The following ATP11A variants were observed in gnomAD, a reference collection of about 807,000 sequenced individuals.
The protein encoded by ATP11A is ATPase phospholipid transporting 11A, also known as phospholipid-transporting ATPase IH.
A neutral mutation model predicts 154.4 loss-of-function variants in ATP11A; 81 were observed. The observed-to-expected ratio is 0.52, with a 90% CI of 0.44 to 0.63. The LOEUF (loss-of-function observed/expected upper bound fraction) is 0.63. Ranked by LOEUF, ATP11A falls within the 30% of genes least tolerant of loss-of-function variation. The pLI is 0.00. For synonymous variants in ATP11A, 623 were observed against 585.9 expected (o/e 1.06, Z -0.91); for missense variants, 1,316 against 1,474.3 (o/e 0.89, Z 1.76).
At position 112,825,291 on chromosome 13, in the gene ATP11A, G is replaced by A. The variant is rs576787062; in HGVS notation, c.873-139G>A. ...TGGACGCAAGTGCAGAGGACCCACC[G>A]TGGTGCGTTGAGGGCGAACACATCA... is the stretch of plus-strand genomic sequence containing the variant. On this transcript the variant is annotated intron_variant, in intron 10 of 29. Coordinates refer to ENST00000375645, the MANE Select transcript of ATP11A (RefSeq NM_015205.3). The A allele has an allele frequency of 4.3e-5, 39 of 902,672 alleles. No homozygotes were observed. The South Asian group carries it at 5.0e-4, about 11-fold the overall frequency. 55.9% of individuals were successfully genotyped at this position (902,672 alleles called of 1,614,324 possible).
Position 112,855,981 on chromosome 13 carries a change from C to T in ATP11A, c.2314C>T (p.Arg772Ter). The T allele has an allele frequency of 1.2e-6, 2 of 1,614,168 alleles. No individual in the cohort carries two copies. Among genetic ancestry groups the T allele is most frequent in the Non-Finnish European group, 1.7e-6 (2 of 1,180,030 alleles). ...TGCACTGTCTCTGATAATGAAGCCT[C>T]GAGAAGACGGGAGTTCCGGCAACTA... ...GAALSLIMKP[R>*]EDGSSGNYRE... is the part of the protein sequence containing the mutation. Residue 772 changes from arginine (R) to a stop codon, truncating the protein, a stop_gained, in exon 20 of 30, where the codon CGA (arginine) becomes TGA (stop). Transcript: ENST00000375645. LOFTEE classifies it high-confidence loss of function.
At chr13:112,768,360 A>G (rs1475788874) in intron 1 of ATP11A, among the ~76,000 whole-genome samples, 1 of 152,188 alleles carries the variant, frequency 6.6e-6, no homozygotes, top group Non-Finnish European at 1.5e-5. Context: ...TCTCCAGCGG[A>G]CGCTGCACCA....
At chr13:112,747,814 GGACA>G (rs1892354019) in intron 1 of ATP11A, among the ~76,000 whole-genome samples, 1 of 151,726 alleles carries the variant, frequency 6.6e-6, no homozygotes, top group African/African-American at 2.4e-5. Context: ...CCATTCGGAC[GGACA>G]GAGTGTAAGA....
chr13:112,778,525 G>A (rs1235484385), intron 1 of ATP11A, among the ~76,000 whole-genome samples: 1 of 152,276 alleles, frequency 6.6e-6, no homozygotes, highest in Non-Finnish European at 1.5e-5. Context: ...CTTGAGCCCA[G>A]GAGTTCAAGG....
intron 1 of ATP11A, among the ~76,000 whole-genome samples, chr13:112,715,604 A>C (rs1594390035): frequency 8.1e-5 from 4 of 49,502 alleles, no homozygotes; most frequent in Non-Finnish European, 1.1e-4. Flanking sequence ...TGATCCCCCC[A>C]CCTGGTCACA....
chr13:112,698,635 C>A (rs1200893512), intron 1 of ATP11A, among the ~76,000 whole-genome samples: 1 of 152,212 alleles, frequency 6.6e-6, no homozygotes. Flanking sequence ...CACCTTTTAC[C>A]TTTGTAACTA....
chr13:112,840,553 C>T (rs1274207570), intron 16 of ATP11A, among the ~76,000 whole-genome samples: 1 of 120,766 alleles, frequency 8.3e-6, no homozygotes, highest in East Asian at 2.9e-4. Flanking sequence ...ACTCTCCTGT[C>T]CCCTCCAGCC....
intron 1 of ATP11A, among the ~76,000 whole-genome samples, chr13:112,712,990 G>A (rs371601272): frequency 5.9e-5 from 9 of 152,204 alleles, no homozygotes; most frequent in East Asian, 1.9e-4. Flanking sequence ...TGAAAGAGAC[G>A]TATCTGGTTA....
chr13:112,859,470 C>G lies in ATP11A; in HGVS notation c.2727+18C>G. On this transcript the variant is annotated intron_variant, in intron 23 of 29. Transcript: ENST00000375645. The surrounding 1 kb of genome is among the most constrained non-coding windows in gnomAD (Gnocchi z 4.3). The stretch of plus-strand genomic sequence containing the variant: ...CACAACAGGTCAGTCCTAGGGTCTT[C>G]AGGGACAGGCTGTCTGAGCCTTCTT... 1.2e-6 allele frequency: 2 copies of G among 1,604,506 alleles called. No individual in the cohort carries two copies. Among genetic ancestry groups the G allele is most frequent in the Non-Finnish European group, 1.7e-6 (2 of 1,171,446 alleles).
At chr13:112,786,962 AC>A (rs2077647093) in intron 2 of ATP11A, among the ~76,000 whole-genome samples, 1 of 150,840 alleles carries the variant, frequency 6.6e-6, no homozygotes, top group South Asian at 2.1e-4. Flanking sequence ...CTTAATTCAC[AC>A]CGGGTGTCCT....
intron 27 of ATP11A, 148 bp downstream of exon 27, chr13:112,873,824 T>A: frequency 1.4e-6 from 1 of 738,672 alleles, no homozygotes; most frequent in South Asian, 1.8e-5. Context: ...TGTCGTGGGG[T>A]CCTGGGATAC....
chr13:112,772,836 T>C (rs538838559), intron 1 of ATP11A, among the ~76,000 whole-genome samples: 5 of 152,268 alleles, frequency 3.3e-5, no homozygotes, highest in Non-Finnish European at 7.3e-5. Flanking sequence ...CCTGGGCTTG[T>C]TGGCCATTTG....
chr13:112,871,289 G>A (rs904513547), intron 25 of ATP11A, among the ~76,000 whole-genome samples: 1 of 152,212 alleles, frequency 6.6e-6, no homozygotes, highest in Non-Finnish European at 1.5e-5. Flanking sequence ...GGGTACTCAG[G>A]CAACTGTCTT....
intron 1 of ATP11A, among the ~76,000 whole-genome samples, chr13:112,745,057 A>G (rs536146745): frequency 4.6e-5 from 7 of 152,314 alleles, no homozygotes; most frequent in Non-Finnish European, 8.8e-5. Flanking sequence ...TTAGTAGCAT[A>G]ATAATAATAA....
intron 1 of ATP11A, among the ~76,000 whole-genome samples, chr13:112,762,950 C>A (rs940882956): frequency 3.9e-5 from 6 of 152,234 alleles, no homozygotes; most frequent in Admixed American, 6.5e-5. Context: ...CTGGTAACTT[C>A]TTAGGGGCAA....
intron 1 of ATP11A, among the ~76,000 whole-genome samples, chr13:112,704,526 C>G (rs1048025768): frequency 9.2e-5 from 14 of 152,228 alleles, no homozygotes; most frequent in Non-Finnish European, 1.8e-4. Flanking sequence ...CTGACTGCGG[C>G]GTGCGTCTCA....
At chr13:112,873,551 G>A (rs368281401) in intron 26 of ATP11A, 22 bp from the exon 27 acceptor site, 11 of 1,559,144 alleles carry the variant, frequency 7.1e-6, no homozygotes, top group African/African-American at 4.1e-5. Context: ...ACCGTTAACT[G>A]CCCTTTTTTT....
At chr13:112,759,632 G>A (rs187719870) in intron 1 of ATP11A, among the ~76,000 whole-genome samples, 2 of 152,262 alleles carry the variant, frequency 1.3e-5, no homozygotes, top group Admixed American at 1.3e-4. Context: ...TTGGAGATTG[G>A]TACTCTTTAT....
intron 5 of ATP11A, among the ~76,000 whole-genome samples, chr13:112,815,212 A>G (rs1402739050): frequency 6.6e-6 from 1 of 151,748 alleles, no homozygotes; most frequent in Non-Finnish European, 1.5e-5. Context: ...TGGCTTCCTC[A>G]CCCTTCAGAC....
Sources: gnomAD v4.1 joint callset for allele counts (sites outside exome capture counted in the v4.1 genomes callset) on GRCh38, gnomAD v4.1.1 for gene constraint, Gnocchi (gnomAD v3.1) non-coding constraint, MANE v1.5 for transcripts, NCBI Gene and HGNC (gene_info 2026-07-23, HGNC 2026-07-21) for gene names.